SYNPR: variants seen among roughly 807,000 people sequenced by gnomAD.
SYNPR encodes the protein synaptoporin.
A neutral mutation model predicts 32.9 loss-of-function variants in SYNPR; 23 were observed. The ratio of observed to expected loss-of-function variants is 0.70; its 90% CI spans 0.50 to 0.99. The LOEUF (loss-of-function observed/expected upper bound fraction) is 0.99, where lower values mean the gene tolerates loss of function less well. Ranked by LOEUF, SYNPR falls within the 50% of genes least tolerant of loss-of-function variation. SYNPR has a pLI of 0.00. For missense variants in SYNPR, 318 were observed against 349.3 expected, an observed-to-expected ratio of 0.91 and a Z score of 0.71; for synonymous variants, 146 against 135.9, an observed-to-expected ratio of 1.07 and a Z score of -0.52.
intron 2 of SYNPR, among the ~76,000 whole-genome samples, chr3:63,406,895 T>C (rs2088367438): frequency 6.6e-6 from 1 of 152,154 alleles, no homozygotes; most frequent in African/African-American, 2.4e-5. Flanking sequence ...GCTGATAGAA[T>C]AGATTTGGTG....
chr3:63,362,313 T>C (rs1016463594), intron 2 of SYNPR, among the ~76,000 whole-genome samples: 1 of 152,228 alleles, frequency 6.6e-6, no homozygotes, highest in African/African-American at 2.4e-5. Context: ...GTTTTTGCTT[T>C]TGTTTTTGTT....
chr3:63,583,112 CA>C (rs1437603667), intron 4 of SYNPR, among the ~76,000 whole-genome samples: 1 of 152,002 alleles, frequency 6.6e-6, no homozygotes, highest in African/African-American at 2.4e-5. Context: ...GAGAAGGTCA[CA>C]AAGTGCATGG....
At chr3:63,364,195 G>A (rs978675751) in intron 2 of SYNPR, among the ~76,000 whole-genome samples, 1 of 152,068 alleles carries the variant, frequency 6.6e-6, no homozygotes, top group Admixed American at 6.5e-5. Flanking sequence ...TCATAAAGAT[G>A]GAAAGGCAGA....
intron 3 of SYNPR, among the ~76,000 whole-genome samples, chr3:63,534,936 A>G (rs1702175577): frequency 6.6e-6 from 1 of 152,128 alleles, no homozygotes; most frequent in Non-Finnish European, 1.5e-5. Context: ...ACCTTCCACC[A>G]GGCCCACCTC....
intron 4 of SYNPR, among the ~76,000 whole-genome samples, chr3:63,592,838 A>T (rs1416108650): frequency 1.3e-5 from 2 of 152,124 alleles, no homozygotes; most frequent in Admixed American, 1.3e-4. Flanking sequence ...AGACTAATTA[A>T]TAGAGTGAAC....
chr3:63,244,872 T>C (rs968018919), intron 1 of SYNPR, among the ~76,000 whole-genome samples: 1 of 152,134 alleles, frequency 6.6e-6, no homozygotes, highest in African/African-American at 2.4e-5. Context: ...AAGCTCTTCT[T>C]ATTTGCATTC....
chr3:63,355,204 T>G (rs7616157), intron 2 of SYNPR, among the ~76,000 whole-genome samples: 103,163 of 150,732 alleles, frequency 0.68, 37,109 homozygotes, highest in East Asian at 0.79. Flanking sequence ...GCTTCAGCCT[T>G]GGAGGTGGAG....
intron 3 of SYNPR, among the ~76,000 whole-genome samples, chr3:63,509,203 G>A (rs1160702125): frequency 6.7e-6 from 1 of 148,430 alleles, no homozygotes; most frequent in African/African-American, 2.5e-5. Context: ...ATATATATAT[G>A]TATGTGTATA....
upstream of SYNPR, among the ~76,000 whole-genome samples, chr3:63,276,735 G>A (rs2086577783): frequency 6.6e-6 from 1 of 150,378 alleles, no homozygotes; most frequent in Non-Finnish European, 1.5e-5. Context: ...CTGGCTGACT[G>A]CAGATGGTGC....
At chr3:63,611,357 C>T (rs1489559475) in intron 5 of SYNPR, among the ~76,000 whole-genome samples, 1 of 152,172 alleles carries the variant, frequency 6.6e-6, no homozygotes, top group Non-Finnish European at 1.5e-5. Flanking sequence ...GAGCTCAAGC[C>T]ATTTGACCGA....
intron 2 of SYNPR, among the ~76,000 whole-genome samples, chr3:63,478,426 C>T (rs1371656784): frequency 6.6e-6 from 1 of 152,028 alleles, no homozygotes; most frequent in Non-Finnish European, 1.5e-5. Context: ...GTTATTCTAC[C>T]ATATCTTTCC....
chr3:63,542,836 G>A (rs1702331519), intron 3 of SYNPR, among the ~76,000 whole-genome samples: 1 of 152,034 alleles, frequency 6.6e-6, no homozygotes, highest in Non-Finnish European at 1.5e-5. Context: ...ATGTAAAATG[G>A]TGAATCAGGC....
intron 3 of SYNPR, among the ~76,000 whole-genome samples, chr3:63,498,935 G>A (rs924326784): frequency 3.0e-4 from 44 of 144,578 alleles, no homozygotes; most frequent in Admixed American, 6.2e-4. Flanking sequence ...GCAACATAGT[G>A]GGACCTCACC....
At chr3:63,539,562 G>A (rs1702264409) in intron 3 of SYNPR, among the ~76,000 whole-genome samples, 1 of 152,098 alleles carries the variant, frequency 6.6e-6, no homozygotes, top group South Asian at 2.1e-4. Flanking sequence ...GAAGGGTATG[G>A]TCCTTGCCCA....
intron 2 of SYNPR, among the ~76,000 whole-genome samples, chr3:63,337,246 A>G (rs2087306690): frequency 6.6e-6 from 1 of 151,248 alleles, no homozygotes; most frequent in Non-Finnish European, 1.5e-5. Context: ...AAAAAAAAAA[A>G]AAAAAAAAAA....
At chr3:63,331,001 A>T (rs1462193382) in intron 2 of SYNPR, among the ~76,000 whole-genome samples, 1 of 152,198 alleles carries the variant, frequency 6.6e-6, no homozygotes, top group African/African-American at 2.4e-5. Flanking sequence ...CCTAGTTCAC[A>T]CTTGTACAGG....
intron 3 of SYNPR, among the ~76,000 whole-genome samples, chr3:63,498,556 G>C (rs1328076973): frequency 6.6e-6 from 1 of 152,158 alleles, no homozygotes; most frequent in East Asian, 1.9e-4. Context: ...AGGAGACATT[G>C]AGCAGAGACC....
At chr3:63,233,390 A>C (rs1323451561) in intron 1 of SYNPR, among the ~76,000 whole-genome samples, 1 of 152,228 alleles carries the variant, frequency 6.6e-6, no homozygotes, top group Admixed American at 6.5e-5. Flanking sequence ...TGTCAACTTC[A>C]AGATAAGGAT....
At chr3:63,528,977 A>C (rs2106785498) in intron 3 of SYNPR, among the ~76,000 whole-genome samples, 1 of 152,352 alleles carries the variant, frequency 6.6e-6, no homozygotes, top group South Asian at 2.1e-4. Context: ...TTAAAGGTAA[A>C]GCTGGATTAA....
Sources: gnomAD v4.1 joint callset for allele counts (sites outside exome capture counted in the v4.1 genomes callset) on GRCh38, gnomAD v4.1.1 for gene constraint, MANE v1.5 for transcripts, NCBI Gene and HGNC (gene_info 2026-07-23, HGNC 2026-07-21) for gene names.